The following USH2A variants were observed in gnomAD, a reference collection of about 807,000 sequenced individuals.
USH2A encodes usherin, also known as Usher syndrome 2A (autosomal recessive, mild).
In USH2A, 443 loss-of-function variants were observed where a neutral mutation model predicts 538.9. The observed-to-expected ratio is 0.82, with a 90% CI of 0.76 to 0.89. The LOEUF (loss-of-function observed/expected upper bound fraction) is 0.89. Ranked by LOEUF, USH2A falls within the 40% of genes least tolerant of loss-of-function variation. The probability of loss-of-function intolerance (pLI) is 0.00; values close to 1 mark genes in which losing one functional copy is unlikely to be tolerated. For missense variants in USH2A, 6,633 were observed against 6,324.8 expected (o/e 1.05, Z -1.65); for synonymous variants, 2,413 against 2,273.5 (o/e 1.06, Z -1.75).
chr1:216,336,376 C>T (rs139188348), intron 4 of USH2A, among the ~76,000 whole-genome samples: 47 of 151,234 alleles, frequency 3.1e-4, no homozygotes, highest in African/African-American at 1.1e-3. Context: ...CACTTCTAGT[C>T]AACATTTTTC....
At chr1:215,800,863 T>C (rs1662307120) in intron 49 of USH2A, among the ~76,000 whole-genome samples, 1 of 151,774 alleles carries the variant, frequency 6.6e-6, no homozygotes, top group Non-Finnish European at 1.5e-5. Flanking sequence ...CTCATGAATA[T>C]TGATGCAAAA....
chr1:216,106,467 G>A (rs1222786919), intron 21 of USH2A, among the ~76,000 whole-genome samples: 2 of 150,948 alleles, frequency 1.3e-5, no homozygotes, highest in Non-Finnish European at 3.0e-5. Flanking sequence ...ATGATATTTT[G>A]CTATACTATT....
chr1:215,937,764 T>A (rs1037568849), intron 37 of USH2A, among the ~76,000 whole-genome samples: 1 of 152,156 alleles, frequency 6.6e-6, no homozygotes. Context: ...AAAGCAACAA[T>A]GGAAATTCTA....
At chr1:216,081,199 G>C (rs947543568) in intron 26 of USH2A, among the ~76,000 whole-genome samples, 1 of 152,090 alleles carries the variant, frequency 6.6e-6, no homozygotes, top group Non-Finnish European at 1.5e-5. Flanking sequence ...TAGAAATATG[G>C]TTGAAGAAAT....
intron 61 of USH2A, among the ~76,000 whole-genome samples, chr1:215,689,020 G>T (rs1658519267): frequency 6.6e-6 from 1 of 150,830 alleles, no homozygotes; most frequent in Non-Finnish European, 1.5e-5. Context: ...AATTATGATG[G>T]ATTGAATGTA....
intron 21 of USH2A, among the ~76,000 whole-genome samples, chr1:216,147,325 C>T (rs548642513): frequency 0.024 from 3,594 of 152,142 alleles, 116 homozygotes; most frequent in African/African-American, 0.081. Flanking sequence ...CCTGGTCCGG[C>T]TTACAGTTTC....
intron 38 of USH2A, among the ~76,000 whole-genome samples, chr1:215,912,600 G>T (rs1257218880): frequency 6.6e-6 from 1 of 150,934 alleles, no homozygotes; most frequent in Non-Finnish European, 1.5e-5. Context: ...GGAGAATGGG[G>T]TATCCATCCC....
At chr1:216,174,113 C>T in intron 21 of USH2A, 1 of 985,250 alleles carries the variant, frequency 1.0e-6, no homozygotes. Context: ...CAAGGTGCAT[C>T]AGCAGCCAGT....
At chr1:215,685,905 G>A (rs1658410161) in intron 61 of USH2A, among the ~76,000 whole-genome samples, 1 of 152,052 alleles carries the variant, frequency 6.6e-6, no homozygotes, top group African/African-American at 2.4e-5. Flanking sequence ...ACACGTACAT[G>A]CAGAGTTGCT....
chr1:215,935,238 T>C (rs926942760), intron 37 of USH2A, among the ~76,000 whole-genome samples: 2 of 152,038 alleles, frequency 1.3e-5, no homozygotes, highest in African/African-American at 4.8e-5. Context: ...AATAGAATTG[T>C]TCTGGATATA....
chr1:216,078,479 C>G (rs2031830066), intron 26 of USH2A, 117 bp from the exon 27 acceptor site: 1 of 923,668 alleles, frequency 1.1e-6, no homozygotes, highest in Admixed American at 2.0e-5. Flanking sequence ...TGAAAGCACT[C>G]TATAGAAATG....
At chr1:215,627,421 C>CTTCCTTCCTTCTTTCCTTCCTTCT (rs1656076771) in intron 71 of USH2A, among the ~76,000 whole-genome samples, 13 of 116,602 alleles carry the variant, frequency 1.1e-4, no homozygotes, top group African/African-American at 1.8e-4. Flanking sequence ...TCCTTCCTTC[C>CTTCCTTCCTTCTTTCCTTCCTTCT]TTCCTTCCTT....
At chr1:215,876,275 C>G (rs912924996) in intron 43 of USH2A, among the ~76,000 whole-genome samples, 2 of 152,110 alleles carry the variant, frequency 1.3e-5, no homozygotes, top group African/African-American at 4.8e-5. Flanking sequence ...ATAAAAGTGG[C>G]AGTTTCATAT....
chr1:216,010,927 G>C (rs138688931), intron 32 of USH2A, among the ~76,000 whole-genome samples: 84 of 151,762 alleles, frequency 5.5e-4, no homozygotes, highest in Non-Finnish European at 6.2e-4. Context: ...CCTTGGCGAC[G>C]GATCATGCGC....
intron 21 of USH2A, among the ~76,000 whole-genome samples, chr1:216,149,811 G>A (rs904639683): frequency 5.9e-5 from 9 of 151,970 alleles, no homozygotes; most frequent in Non-Finnish European, 8.8e-5. Flanking sequence ...TCAATGGACC[G>A]GACCCTACTT....
intron 40 of USH2A, among the ~76,000 whole-genome samples, chr1:215,897,977 T>C (rs1471538870): frequency 6.6e-6 from 1 of 152,150 alleles, no homozygotes; most frequent in Non-Finnish European, 1.5e-5. Flanking sequence ...CACTCAGTCT[T>C]TGTCAACTCA....
intron 43 of USH2A, among the ~76,000 whole-genome samples, chr1:215,876,975 A>G (rs1009640547): frequency 4.6e-5 from 7 of 152,328 alleles, no homozygotes; most frequent in Admixed American, 4.6e-4. Flanking sequence ...CCCACATAGA[A>G]AAGTTACTGA....
In USH2A at chr1:215,674,760, C is replaced by T. The variant is rs1184850093; in HGVS notation, c.13151G>A (p.Gly4384Glu). ...TCTAACTAAATATTTAGTAATCTTT[C>T]CATTTTGCACTGTGGGCGGTGACCA... The part of the protein sequence containing the change: ...VCWSPPTVQN[G>E]KITKYLVRYD... Residue 4384 changes from glycine to glutamate, a missense_variant, in exon 63 of 72, where the codon GGA becomes GAA. Gly to Glu is a moderately conservative substitution (Grantham distance 98, BLOSUM62 -2). Transcript: ENST00000307340. 6.2e-7 allele frequency: 1 copy of T among 1,614,116 alleles called. No homozygotes were observed. The highest frequency in any genetic ancestry group is 2.2e-5 in the East Asian group (1 of 44,850).
At chr1:215,805,173 T>C (rs555960713) in intron 49 of USH2A, among the ~76,000 whole-genome samples, 19 of 152,144 alleles carry the variant, frequency 1.2e-4, no homozygotes, top group African/African-American at 4.1e-4. Context: ...TTAGGAGATA[T>C]ACCTAATGTT....
Sources: allele counts gnomAD v4.1 joint callset (sites outside exome capture counted in the v4.1 genomes callset), GRCh38; gene constraint gnomAD v4.1.1; transcripts MANE v1.5; gene names NCBI Gene and HGNC (gene_info 2026-07-23, HGNC 2026-07-21).